The following MGST1 variants were observed in gnomAD, a reference collection of about 807,000 sequenced individuals.
MGST1 encodes the protein microsomal glutathione S-transferase 1, also known as glutathione S-transferase 12.
Under a neutral mutation model 8.9 loss-of-function variants are expected in MGST1, and 5 were observed. The observed-to-expected ratio is 0.56, with a 90% CI of 0.29 to 1.19. MGST1 has a LOEUF of 1.19. MGST1 is among the 50% of genes most tolerant of loss of function. MGST1 has a pLI of 0.08. For missense variants in MGST1, 182 were observed against 187.4 expected (o/e 0.97, Z 0.17); for synonymous variants, 54 against 67.8 (o/e 0.80, Z 1.00).
downstream of MGST1, among the ~76,000 whole-genome samples, chr12:16,378,011 A>T (rs941663925): frequency 6.6e-6 from 1 of 150,842 alleles, no homozygotes; most frequent in African/African-American, 2.4e-5. Context: ...TTTTCTTGTA[A>T]ATTTGTTTGA....
At chr12:16,526,553 C>T (rs947426578) in intron 4 of MGST1, among the ~76,000 whole-genome samples, 1 of 151,662 alleles carries the variant, frequency 6.6e-6, no homozygotes, top group Non-Finnish European at 1.5e-5. Context: ...TTCCTATAAA[C>T]GTGTTAAGGT....
intron 4 of MGST1, among the ~76,000 whole-genome samples, chr12:16,515,632 G>GA (rs59154598): frequency 6.2e-5 from 8 of 129,014 alleles, no homozygotes; most frequent in African/African-American, 1.7e-4. Flanking sequence ...CTCTATCTCA[G>GA]AAAAAAAAAA....
intron 4 of MGST1, among the ~76,000 whole-genome samples, chr12:16,476,794 C>T (rs1358987989): frequency 2.0e-5 from 3 of 152,144 alleles, no homozygotes; most frequent in Non-Finnish European, 2.9e-5. Flanking sequence ...TGAAAGATAG[C>T]ATGGCACCCA....
intron 4 of MGST1, among the ~76,000 whole-genome samples, chr12:16,463,815 A>T (rs1941237118): frequency 1.3e-5 from 2 of 152,226 alleles, no homozygotes; most frequent in African/African-American, 4.8e-5. Context: ...AGTACAGCTC[A>T]TCTTTGCTTC....
rs1943368296 is a variant in MGST1 at position 16,587,815 on chromosome 12, A to T, written n.483-1713A>T. On this transcript the variant is annotated intron_variant and non_coding_transcript_variant, in intron 4 of 4. Transcript: ENST00000538857. This position sits in a 1 kb window ranked among gnomAD's most constrained non-coding sequence, Gnocchi z 4.3. ...CACTGTGTCCTGAATGGGGGGTTTC[A>T]GGGGGAGGGAGAGGAACCTTGTCTC... 6.6e-6 allele frequency among the ~76,000 whole-genome samples: 1 copy of T among 151,994 alleles called. No homozygotes were observed. The highest frequency in any genetic ancestry group is 2.4e-5 in the African/African-American group (1 of 41,426).
At chr12:16,415,015 A>T (rs1429830564) in intron 1 of MGST1, among the ~76,000 whole-genome samples, 1 of 152,016 alleles carries the variant, frequency 6.6e-6, no homozygotes, top group Non-Finnish European at 1.5e-5. Flanking sequence ...CAAGAGCAAA[A>T]CTTCGCCTCA....
chr12:16,463,439 G>A (rs1941234101), intron 4 of MGST1, among the ~76,000 whole-genome samples: 1 of 133,422 alleles, frequency 7.5e-6, no homozygotes, highest in Admixed American at 7.8e-5. Flanking sequence ...ATGCTCTGGG[G>A]GTGGGGGGAG....
In MGST1 at chr12:16,582,151, A is replaced by C. The variant is rs1943180837; in HGVS notation, n.483-7377A>C. ...TCAGTAAATTTTCTTAATCATATTT[A>C]ACTGGTTTCTTCCTGTTTCTCTTTA... is the stretch of plus-strand genomic sequence containing the variant. On this transcript the variant is annotated intron_variant and non_coding_transcript_variant, in intron 4 of 4. Transcript: ENST00000538857. The surrounding 1 kb of genome is among the most constrained non-coding windows in gnomAD (Gnocchi z 4.1). 6.6e-6 allele frequency among the ~76,000 whole-genome samples: 1 copy of C among 151,866 alleles called. No homozygotes were observed. The highest frequency in any genetic ancestry group is 1.5e-5 in the Non-Finnish European group (1 of 68,000).
intron 4 of MGST1, among the ~76,000 whole-genome samples, chr12:16,556,959 T>C (rs1301508757): frequency 1.3e-5 from 2 of 152,164 alleles, no homozygotes; most frequent in Non-Finnish European, 2.9e-5. Context: ...ATAATGATAC[T>C]AGAATAGTAT....
intron 1 of MGST1, among the ~76,000 whole-genome samples, chr12:16,414,614 A>G (rs1049283782): frequency 6.6e-6 from 1 of 151,584 alleles, no homozygotes; most frequent in African/African-American, 2.4e-5. Flanking sequence ...ACGGGGTTTC[A>G]TCATGTTAGC....
intron 1 of MGST1, among the ~76,000 whole-genome samples, chr12:16,411,214 G>C (rs1940740190): frequency 6.6e-6 from 1 of 152,120 alleles, no homozygotes; most frequent in African/African-American, 2.4e-5. Context: ...CTGCATGAGG[G>C]CAGAACCACA....
chr12:16,395,800 T>C (rs2417571), intron 1 of MGST1, among the ~76,000 whole-genome samples: 53,073 of 134,422 alleles, frequency 0.39, 11,041 homozygotes, highest in East Asian at 0.57. Context: ...TATATATATA[T>C]ATATACACAC....
intron 4 of MGST1, among the ~76,000 whole-genome samples, chr12:16,449,595 A>G (rs1487192001): frequency 6.6e-6 from 1 of 151,942 alleles, no homozygotes; most frequent in African/African-American, 2.4e-5. Context: ...GTGACATAAT[A>G]AATGCTCCAT....
chr12:16,561,067 T>C (rs747345568), intron 4 of MGST1, among the ~76,000 whole-genome samples: 1 of 152,150 alleles, frequency 6.6e-6, no homozygotes, highest in Non-Finnish European at 1.5e-5. Flanking sequence ...ATACCATAGT[T>C]ATAGCTATGA....
chr12:16,351,153 A>G (rs185507111), intron 1 of MGST1, among the ~76,000 whole-genome samples: 269 of 152,270 alleles, frequency 1.8e-3, no homozygotes, highest in African/African-American at 6.3e-3. Context: ...TTAAGTAGCA[A>G]CTTTCTATTT....
chr12:16,492,713 G>C (rs570214976), intron 4 of MGST1, among the ~76,000 whole-genome samples: 3 of 152,052 alleles, frequency 2.0e-5, no homozygotes, highest in Non-Finnish European at 4.4e-5. Flanking sequence ...TTTTAAAAAG[G>C]TCATTAAGGT....
At chr12:16,440,462 G>C (rs568600113), downstream of MGST1, among the ~76,000 whole-genome samples, 1 of 151,768 alleles carries the variant, frequency 6.6e-6, no homozygotes, top group African/African-American at 2.4e-5. Flanking sequence ...GATTAGTTTT[G>C]CTGGTCCTGA....
chr12:16,535,096 T>G (rs759306564), intron 4 of MGST1, among the ~76,000 whole-genome samples: 3 of 152,210 alleles, frequency 2.0e-5, no homozygotes, highest in Non-Finnish European at 4.4e-5. Context: ...CTGGTTCTCT[T>G]CTTATCCAGC....
chr12:16,583,989 G>A (rs996526427), intron 4 of MGST1, among the ~76,000 whole-genome samples: 21 of 152,180 alleles, frequency 1.4e-4, no homozygotes, highest in Admixed American at 9.8e-4. Flanking sequence ...AGATTCCTGA[G>A]ATGAAATACT....
Sources: allele counts gnomAD v4.1 joint callset (sites outside exome capture counted in the v4.1 genomes callset), GRCh38; gene constraint gnomAD v4.1.1; non-coding constraint Gnocchi (gnomAD v3.1); transcripts MANE v1.5; gene names NCBI Gene and HGNC (gene_info 2026-07-23, HGNC 2026-07-21).